Variants in LRRTM4 observed in about 807,000 individuals in gnomAD.
LRRTM4 encodes the protein leucine-rich repeat transmembrane neuronal protein 4.
LRRTM4 carries 25 observed loss-of-function variants against 47.6 expected under a neutral mutation model. The observed-to-expected ratio is 0.53, with a 90% CI of 0.38 to 0.73. The LOEUF (loss-of-function observed/expected upper bound fraction) is 0.73. LRRTM4 is among the 30% of genes least tolerant of loss of function. LRRTM4 has a pLI of 0.00. For missense variants in LRRTM4, 638 were observed against 713.4 expected (o/e 0.89, Z 1.20); for synonymous variants, 311 against 269.5 (o/e 1.15, Z -1.51).
intron 3 of LRRTM4, among the ~76,000 whole-genome samples, chr2:77,444,971 G>C (rs1344383998): frequency 1.2e-5 from 1 of 85,272 alleles, no homozygotes; most frequent in Non-Finnish European, 2.3e-5. Flanking sequence ...ACACACACAC[G>C]ATCCGGAAAA....
At chr2:76,974,742 AAT>A (rs1676360772) in intron 3 of LRRTM4, among the ~76,000 whole-genome samples, 1 of 151,654 alleles carries the variant, frequency 6.6e-6, no homozygotes, top group African/African-American at 2.4e-5. Flanking sequence ...TACTATTATA[AAT>A]TTAATTTTCC....
chr2:77,206,951 TCTC>T (rs1216289129), intron 3 of LRRTM4, among the ~76,000 whole-genome samples: 1 of 151,642 alleles, frequency 6.6e-6, no homozygotes, highest in Non-Finnish European at 1.5e-5. Context: ...TTCAGAAAAA[TCTC>T]CTACAATAAC....
intron 3 of LRRTM4, among the ~76,000 whole-genome samples, chr2:77,408,461 G>T (rs1460552534): frequency 1.3e-5 from 2 of 152,240 alleles, no homozygotes; most frequent in Admixed American, 6.5e-5. Flanking sequence ...TTCTAATTAG[G>T]ACTTTCACCT....
At chr2:76,974,537 A>G (rs1003900248) in intron 3 of LRRTM4, among the ~76,000 whole-genome samples, 1 of 149,572 alleles carries the variant, frequency 6.7e-6, no homozygotes, top group African/African-American at 2.5e-5. Context: ...CATATAGTGT[A>G]TATGTGTCAC....
chr2:76,946,653 ATAAG>A (rs1370378493), intron 3 of LRRTM4, among the ~76,000 whole-genome samples: 1 of 151,868 alleles, frequency 6.6e-6, no homozygotes, highest in Non-Finnish European at 1.5e-5. Context: ...AATTGAAGGA[ATAAG>A]TAAAACTGAA....
intron 3 of LRRTM4, among the ~76,000 whole-genome samples, chr2:76,972,562 T>C (rs1453188810): frequency 1.3e-5 from 2 of 151,648 alleles, no homozygotes; most frequent in Non-Finnish European, 2.9e-5. Context: ...GGACTACAGT[T>C]GTGCGCCACC....
intron 3 of LRRTM4, among the ~76,000 whole-genome samples, chr2:76,954,621 C>T (rs200384674): frequency 1.3e-5 from 2 of 151,696 alleles, no homozygotes; most frequent in Admixed American, 1.3e-4. Context: ...AGAAAGCTTA[C>T]TTGGACAAGT....
At chr2:77,249,394 C>G (rs1395417322) in intron 3 of LRRTM4, among the ~76,000 whole-genome samples, 3 of 151,298 alleles carry the variant, frequency 2.0e-5, no homozygotes, top group Admixed American at 6.6e-5. Flanking sequence ...TTTGGTCCAC[C>G]AAGGACACTG....
intron 3 of LRRTM4, among the ~76,000 whole-genome samples, chr2:76,761,027 G>T (rs548933607): frequency 6.6e-6 from 1 of 152,166 alleles, no homozygotes; most frequent in South Asian, 2.1e-4. Context: ...CTAGGGTATG[G>T]CCCAGGCCAC....
intron 3 of LRRTM4, among the ~76,000 whole-genome samples, chr2:77,085,960 C>A (rs1378323464): frequency 6.6e-6 from 1 of 152,116 alleles, no homozygotes; most frequent in East Asian, 1.9e-4. Flanking sequence ...GCTATTGTCA[C>A]TCCACAATGG....
intron 3 of LRRTM4, among the ~76,000 whole-genome samples, chr2:77,506,889 T>G (rs17014197): frequency 0.036 from 5,478 of 152,080 alleles, 338 homozygotes; most frequent in African/African-American, 0.12. Context: ...AGCATTCCTA[T>G]TCATAATAAA....
chr2:76,901,608 A>G (rs987433682), intron 3 of LRRTM4, among the ~76,000 whole-genome samples: 3 of 152,162 alleles, frequency 2.0e-5, no homozygotes, highest in African/African-American at 7.2e-5. Flanking sequence ...AAATTTTTAA[A>G]GACTTTTCTG....
chr2:77,387,154 G>T (rs1673311679), intron 3 of LRRTM4, among the ~76,000 whole-genome samples: 2 of 152,172 alleles, frequency 1.3e-5, no homozygotes, highest in Non-Finnish European at 2.9e-5. Flanking sequence ...TTAAGAATTA[G>T]AATGAAAGTA....
chr2:77,063,504 T>C (rs779805684), intron 3 of LRRTM4, among the ~76,000 whole-genome samples: 3 of 152,012 alleles, frequency 2.0e-5, no homozygotes, highest in Non-Finnish European at 4.4e-5. Flanking sequence ...AGTAGAAAAA[T>C]AGAGCTTTTT....
chr2:77,408,996 GT>G (rs1382561373), intron 3 of LRRTM4, among the ~76,000 whole-genome samples: 1 of 152,014 alleles, frequency 6.6e-6, no homozygotes, highest in East Asian at 1.9e-4. Flanking sequence ...AAATATTGCC[GT>G]TTTCATCCCA....
At chr2:77,459,283 AG>A (rs1251324137) in intron 3 of LRRTM4, among the ~76,000 whole-genome samples, 1 of 152,088 alleles carries the variant, frequency 6.6e-6, no homozygotes, top group Non-Finnish European at 1.5e-5. Context: ...GGATCACTTC[AG>A]GGGTAGTAAA....
At chr2:77,212,740 G>C (rs554534147) in intron 3 of LRRTM4, among the ~76,000 whole-genome samples, 1 of 151,924 alleles carries the variant, frequency 6.6e-6, no homozygotes, top group Non-Finnish European at 1.5e-5. Context: ...TGTGTCTGAC[G>C]CAAAACCTCT....
chr2:76,907,123 C>T (rs1446597515), intron 3 of LRRTM4, among the ~76,000 whole-genome samples: 1 of 151,706 alleles, frequency 6.6e-6, no homozygotes, highest in Admixed American at 6.6e-5. Context: ...TGTAAAAGAA[C>T]AGAAATTATA....
chr2:76,803,649 T>A (rs1573136180), intron 3 of LRRTM4, among the ~76,000 whole-genome samples: 2 of 152,272 alleles, frequency 1.3e-5, no homozygotes, highest in Middle Eastern at 6.8e-3. Context: ...AGTAATTTTT[T>A]AAAGAGTATT....
Sources: allele counts gnomAD v4.1 joint callset (sites outside exome capture counted in the v4.1 genomes callset), GRCh38; gene constraint gnomAD v4.1.1; transcripts MANE v1.5; gene names NCBI Gene and HGNC (gene_info 2026-07-23, HGNC 2026-07-21).